SLCO6A1: variants seen among roughly 807,000 people sequenced by gnomAD.
SLCO6A1 encodes cancer/testis antigen 48.
Under a neutral mutation model 72.7 loss-of-function variants are expected in SLCO6A1, and 65 were observed. That is an observed-to-expected ratio of 0.89 (90% CI 0.73 to 1.10). SLCO6A1 has a LOEUF of 1.10. Among genes scored for constraint, SLCO6A1 ranks in the 50% least tolerant of loss-of-function variants. The probability of loss-of-function intolerance (pLI) is 0.00; values close to 1 mark genes in which losing one functional copy is unlikely to be tolerated. For missense variants in SLCO6A1, 874 were observed against 872.6 expected (o/e 1.00, Z -0.02); for synonymous variants, 314 against 298.2 (o/e 1.05, Z -0.55).
intron 2 of SLCO6A1, among the ~76,000 whole-genome samples, chr5:102,479,668 CA>C (rs772726186): frequency 6.6e-6 from 1 of 152,036 alleles, no homozygotes; most frequent in Non-Finnish European, 1.5e-5. Context: ...TGCTCTCTTT[CA>C]AATCATGCAA....
intron 7 of SLCO6A1, among the ~76,000 whole-genome samples, chr5:102,426,443 C>T (rs1008771262): frequency 5.9e-5 from 9 of 151,980 alleles, no homozygotes; most frequent in African/African-American, 2.2e-4. Context: ...ACAACCCCAT[C>T]AAAAACTGGG....
chr5:102,469,229 T>C (rs968956337), intron 4 of SLCO6A1, among the ~76,000 whole-genome samples: 1 of 152,104 alleles, frequency 6.6e-6, no homozygotes, highest in African/African-American at 2.4e-5. Context: ...GGGGATGGCA[T>C]TGAACCTATA....
intron 9 of SLCO6A1, among the ~76,000 whole-genome samples, chr5:102,403,651 A>G (rs182738070): frequency 7.2e-4 from 109 of 152,308 alleles, no homozygotes; most frequent in Non-Finnish European, 1.2e-3. Flanking sequence ...CCTGTGATAG[A>G]AAGGAGACAT....
rs527548390 is a variant in SLCO6A1, at chr5:102,395,036, TA to T, written c.1815-3992del. Among the ~76,000 whole-genome samples, 320 of 152,206 alleles carry T rather than the reference TA, an allele frequency of 2.1e-3. 3 individuals carry two copies. Among genetic ancestry groups the T allele is most frequent in the African/African-American group, 7.2e-3 (301 of 41,546 alleles). On this transcript the variant is annotated intron_variant, in intron 10 of 13. Coordinates refer to ENST00000506729, the MANE Select transcript of SLCO6A1 (RefSeq NM_173488.5). The stretch of plus-strand genomic sequence containing the variant: ...CTACTTTTTTTTAATTATTGAGACT[TA>T]AAAAAATTTGTTTTTATTATACTTT...
At chr5:102,395,244 T>C (rs970746494) in intron 10 of SLCO6A1, among the ~76,000 whole-genome samples, 4 of 150,270 alleles carry the variant, frequency 2.7e-5, no homozygotes, top group Non-Finnish European at 5.9e-5. Context: ...CCTGTGTCCA[T>C]GTGTTCTCAT....
At chr5:102,387,535 C>T (rs1746481595) in intron 12 of SLCO6A1, among the ~76,000 whole-genome samples, 1 of 152,228 alleles carries the variant, frequency 6.6e-6, no homozygotes. Flanking sequence ...TTAATTTTGA[C>T]TTCTCAAGTG....
chr5:102,389,456 C>CGCCCA (rs1554065638), intron 11 of SLCO6A1, among the ~76,000 whole-genome samples: 1 of 81,836 alleles, frequency 1.2e-5, no homozygotes, highest in Non-Finnish European at 2.6e-5. Flanking sequence ...CCCCCCACCC[C>CGCCCA]CACACACACA....
chr5:102,434,746 A>C (rs903429844), intron 7 of SLCO6A1, among the ~76,000 whole-genome samples: 1 of 152,198 alleles, frequency 6.6e-6, no homozygotes, highest in African/African-American at 2.4e-5. Context: ...ACTCTTCTCT[A>C]GGCAAGCAAA....
chr5:102,414,928 TA>T (rs370419912), intron 8 of SLCO6A1, among the ~76,000 whole-genome samples: 6,935 of 141,130 alleles, frequency 0.049, 287 homozygotes, highest in South Asian at 0.16. Flanking sequence ...AATAAATAAA[TA>T]AATAAATAAA....
At chr5:102,460,306 GTTA>G (rs1320395941) in intron 4 of SLCO6A1, among the ~76,000 whole-genome samples, 2 of 151,996 alleles carry the variant, frequency 1.3e-5, no homozygotes, top group African/African-American at 2.4e-5. Context: ...TATCCTTCTA[GTTA>G]TTATTCCAAA....
At chr5:102,450,798 C>A (rs1750373573) in intron 6 of SLCO6A1, among the ~76,000 whole-genome samples, 1 of 152,194 alleles carries the variant, frequency 6.6e-6, no homozygotes, top group South Asian at 2.1e-4. Context: ...AGGTGCCCTG[C>A]CTAGTAGTGA....
At chr5:102,422,089 A>G (rs1748638308) in intron 7 of SLCO6A1, among the ~76,000 whole-genome samples, 1 of 152,206 alleles carries the variant, frequency 6.6e-6, no homozygotes, top group African/African-American at 2.4e-5. Context: ...TCCACAAAAA[A>G]GATGCCCATG....
At chr5:102,434,477 G>C (rs888529135) in intron 7 of SLCO6A1, among the ~76,000 whole-genome samples, 1 of 152,130 alleles carries the variant, frequency 6.6e-6, no homozygotes, top group Non-Finnish European at 1.5e-5. Context: ...AACCTAGCAG[G>C]AACTCTCATT....
At chr5:102,422,838 T>A (rs1287446591) in intron 7 of SLCO6A1, among the ~76,000 whole-genome samples, 3 of 151,698 alleles carry the variant, frequency 2.0e-5, no homozygotes, top group African/African-American at 7.3e-5. Context: ...TTAATCAAGG[T>A]TAAAACAAAG....
chr5:102,437,134 T>C (rs1472369215), intron 7 of SLCO6A1, among the ~76,000 whole-genome samples: 3 of 152,132 alleles, frequency 2.0e-5, no homozygotes, highest in Non-Finnish European at 4.4e-5. Flanking sequence ...AATTAGAAAC[T>C]ATAGGGCAAA....
At position 102,498,641 on chromosome 5, in the gene SLCO6A1, T is replaced by C; in HGVS notation, c.204A>G (p.Lys68=). 6.2e-7 allele frequency: 1 copy of C among 1,614,234 alleles called. No individual in the cohort carries two copies. Among genetic ancestry groups the C allele is most frequent in the Admixed American group, 1.7e-5 (1 of 60,034 alleles). The part of the protein sequence containing the change: ...LIRFGGFRKR[K]KAKSSVSKKP... Reference sequence around the variant, plus strand: ...TCTTGGAAACTGAGGACTTGGCTTTTTTCCTTTTTCGGAAACCGCCGAACC... The same window carrying C: ...TCTTGGAAACTGAGGACTTGGCTTTCTTCCTTTTTCGGAAACCGCCGAACC... Residue 68 remains lysine (K), a synonymous_variant, in exon 1 of 14, where the codon AAA becomes AAG. Transcript: ENST00000506729.
chr5:102,417,993 C>CA (rs11390780), intron 8 of SLCO6A1, among the ~76,000 whole-genome samples: 93,267 of 147,580 alleles, frequency 0.63, 29,285 homozygotes, highest in African/African-American at 0.65. Flanking sequence ...GAAACTCCGT[C>CA]AAAAAAAAAA....
chr5:102,395,784 AT>A (rs555184586), intron 10 of SLCO6A1, among the ~76,000 whole-genome samples: 289 of 152,146 alleles, frequency 1.9e-3, no homozygotes, highest in African/African-American at 6.5e-3. Context: ...CATTTCTCTG[AT>A]GGCCAGTGAT....
chr5:102,474,445 A>AAC (rs751800960), intron 4 of SLCO6A1, among the ~76,000 whole-genome samples: 3 of 152,100 alleles, frequency 2.0e-5, no homozygotes, highest in Non-Finnish European at 4.4e-5. Context: ...TAGACATCTA[A>AAC]ACACAAGGCT....
Sources: gnomAD v4.1 joint callset for allele counts (sites outside exome capture counted in the v4.1 genomes callset) on GRCh38, gnomAD v4.1.1 for gene constraint, MANE v1.5 for transcripts, NCBI Gene and HGNC (gene_info 2026-07-23, HGNC 2026-07-21) for gene names.